CCDC32: variants seen among roughly 807,000 people sequenced by gnomAD.
CCDC32 encodes the protein coiled-coil domain-containing protein 32.
A neutral mutation model predicts 20.1 loss-of-function variants in CCDC32; 9 were observed. That is an observed-to-expected ratio of 0.45 (90% confidence interval 0.27 to 0.78). The LOEUF (loss-of-function observed/expected upper bound fraction) is 0.78. Among genes scored for constraint, CCDC32 ranks in the 30% least tolerant of loss-of-function variants. The probability of loss-of-function intolerance (pLI) is 0.16; values close to 1 mark genes in which losing one functional copy is unlikely to be tolerated. For missense variants in CCDC32, 204 were observed against 215.5 expected (o/e 0.95, Z 0.33); for synonymous variants, 63 against 79.0 (o/e 0.80, Z 1.07).
At position 40,553,561 on chromosome 15, in the gene CCDC32, A is replaced by G; in HGVS notation, c.*410T>C. The G allele has an allele frequency of 1.0e-6, 1 of 992,552 alleles. No individual in the cohort carries two copies. Among genetic ancestry groups the G allele is most frequent in the South Asian group, 4.6e-5 (1 of 21,590 alleles). 61.5% of individuals were successfully genotyped at this position (992,552 alleles called of 1,614,324 possible). A position where few individuals can be genotyped will look rare whatever the true frequency, so the allele number is the denominator to read the frequency against. ...TGGGACACAAGCATGAATGTCCGGA[A>G]GAGGCAAGAAAATATATGGCTCACT... is the stretch of plus-strand genomic sequence containing the variant. On this transcript the variant is annotated 3_prime_UTR_variant, in exon 4 of 4. Coordinates refer to ENST00000416810, the MANE Select transcript of CCDC32 (RefSeq NM_001080792.4).
At position 40,557,479 on chromosome 15, in the gene CCDC32, A is replaced by C; in HGVS notation, c.245-107T>G. Reference sequence around the variant, plus strand: ...TAAAAAATCTCTCACCGATGAGGACATCCACACTCCCTGCCAAAGAGGTCA... The same window carrying C: ...TAAAAAATCTCTCACCGATGAGGACCTCCACACTCCCTGCCAAAGAGGTCA... On this transcript the variant is annotated intron_variant, in intron 2 of 3. Coordinates refer to ENST00000416810, the MANE Select transcript of CCDC32 (RefSeq NM_001080792.4). The C allele has an allele frequency of 2.6e-6, 3 of 1,174,008 alleles. No individual in the cohort carries two copies. The South Asian group carries it at 4.8e-5, about 19-fold the overall frequency. 72.7% of individuals were successfully genotyped at this position (1,174,008 alleles called of 1,614,324 possible).
chr15:40,541,063 A>G (rs1205921484), intron 3 of CCDC32, among the ~76,000 whole-genome samples: 2 of 152,224 alleles, frequency 1.3e-5, no homozygotes, highest in African/African-American at 4.8e-5. Flanking sequence ...TGGGCGGGAA[A>G]GAGACTGTGC....
In CCDC32 at chr15:40,553,254, A is replaced by G; in HGVS notation, c.*717T>C. 1.0e-6 allele frequency: 1 copy of G among 985,394 alleles called. No individual in the cohort carries two copies. Among genetic ancestry groups the G allele is most frequent in the Non-Finnish European group, 1.2e-6 (1 of 829,926 alleles). 61.0% of individuals were successfully genotyped at this position (985,394 alleles called of 1,614,324 possible). A position where few individuals can be genotyped will look rare whatever the true frequency, so the allele number is the denominator to read the frequency against. The stretch of plus-strand genomic sequence containing the variant: ...ACACTAACACCATATTTACAAGTCT[A>G]ATTTGGAACCTGGCCCTTTTTAAGT... On this transcript the variant is annotated 3_prime_UTR_variant, in exon 4 of 4. Transcript: ENST00000416810.
At chr15:40,543,348 C>T (rs1212457164) in intron 3 of CCDC32, among the ~76,000 whole-genome samples, 2 of 152,130 alleles carry the variant, frequency 1.3e-5, no homozygotes, top group African/African-American at 4.8e-5. Flanking sequence ...TGGAAACCAC[C>T]ATCTCGTGAC....
exon 4 of CCDC32, chr15:40,539,311 T>G (rs1485255318): frequency 4.6e-6 from 7 of 1,535,544 alleles, no homozygotes. Context: ...CCACGCTCCA[T>G]CCTCAGAAAA....
rs56104303 is a variant in CCDC32 at position 40,560,893 on chromosome 15, G to A, written c.244+1879C>T. Reference sequence around the variant, plus strand: ...GTGTTTACCCAAAGGAAAAGAAGTCGTTATATCAAAAAGATACCTGCACGC... The same window carrying A: ...GTGTTTACCCAAAGGAAAAGAAGTCATTATATCAAAAAGATACCTGCACGC... On this transcript the variant is annotated intron_variant, in intron 2 of 3. Coordinates refer to ENST00000416810, the MANE Select transcript of CCDC32 (RefSeq NM_001080792.4). 2.7e-3 allele frequency among the ~76,000 whole-genome samples: 417 copies of A among 152,208 alleles called. 1 individual carries two copies. Among genetic ancestry groups the A allele is most frequent in the African/African-American group, 9.6e-3 (400 of 41,526 alleles).
intron 3 of CCDC32, among the ~76,000 whole-genome samples, chr15:40,544,910 C>G (rs892612903): frequency 6.6e-6 from 1 of 152,204 alleles, no homozygotes; most frequent in African/African-American, 2.4e-5. Context: ...TGTCCCATCA[C>G]TCTAGTCTAT....
At chr15:40,552,449 C>T (rs12440468), downstream of CCDC32, among the ~76,000 whole-genome samples, 29,085 of 136,590 alleles carry the variant, frequency 0.21, 3,879 homozygotes, top group East Asian at 0.67. Context: ...CCATTGCACT[C>T]GAGCCTGGGC....
intron 2 of CCDC32, among the ~76,000 whole-genome samples, chr15:40,558,806 C>CT (rs11403392): frequency 0.59 from 88,279 of 148,686 alleles, 26,152 homozygotes; most frequent in East Asian, 0.74. Context: ...TTCTTTCTTT[C>CT]TTTTTTTTTT....
intron 3 of CCDC32, among the ~76,000 whole-genome samples, chr15:40,539,969 T>C (rs1395126004): frequency 1.3e-5 from 2 of 151,858 alleles, no homozygotes; most frequent in Non-Finnish European, 2.9e-5. Flanking sequence ...GAAATGGGCA[T>C]TGGAACAGTG....
At chr15:40,532,571 C>T (rs1888920578), downstream of CCDC32, among the ~76,000 whole-genome samples, 1 of 152,006 alleles carries the variant, frequency 6.6e-6, no homozygotes, top group South Asian at 2.1e-4. Flanking sequence ...TTATTTTTAC[C>T]CAGTTGTAAT....
chr15:40,550,927 C>T (rs543065890), downstream of CCDC32, among the ~76,000 whole-genome samples: 26 of 152,270 alleles, frequency 1.7e-4, no homozygotes, highest in African/African-American at 5.8e-4. Context: ...ACACTATTTT[C>T]GGGTACAGAA....
chr15:40,554,155 C>T, intron 3 of CCDC32, 28 bp from the exon 4 acceptor site: 1 of 1,599,642 alleles, frequency 6.3e-7, no homozygotes, highest in Non-Finnish European at 8.6e-7. Context: ...AAAAGGGTGG[C>T]TGTGTCAGAC....
At chr15:40,557,142 C>T in intron 3 of CCDC32, 74 bp downstream of exon 3, 1 of 1,519,522 alleles carries the variant, frequency 6.6e-7, no homozygotes, top group Middle Eastern at 1.8e-4. Context: ...TAAAAATCTA[C>T]TGCTGGGCTA....
downstream of CCDC32, chr15:40,538,941 G>T: frequency 2.3e-6 from 1 of 431,990 alleles, no homozygotes; most frequent in South Asian, 2.6e-5. Flanking sequence ...CTGAGGTCTA[G>T]TGCTTGCCAC....
chr15:40,562,294 G>A (rs1890694736), intron 2 of CCDC32: 1 of 153,820 alleles, frequency 6.5e-6, no homozygotes, highest in African/African-American at 2.4e-5. Flanking sequence ...AGCTGTTCGG[G>A]TAGTCACGGC....
Position 40,545,852 on chromosome 15 carries a change from T to G in CCDC32, c.402-6497A>C, listed in dbSNP as rs1889596919. Among the ~76,000 whole-genome samples, 4 of 152,178 alleles carry G rather than the reference T, an allele frequency of 2.6e-5. No individual in the cohort carries two copies. The South Asian group carries it at 8.3e-4, about 31-fold the overall frequency. ...GGTTCTCCTTGCAAATGCTCCCATA[T>G]CCACTTCTCTCTAGCCTTGCCGCCA... is the stretch of plus-strand genomic sequence containing the variant. On this transcript the variant is annotated intron_variant, in intron 3 of 3. Transcript: ENST00000558113.
chr15:40,563,326 G>T (rs1286592301), intron 1 of CCDC32, among the ~76,000 whole-genome samples: 1 of 152,094 alleles, frequency 6.6e-6, no homozygotes, highest in Admixed American at 6.6e-5. Flanking sequence ...TCACGCCATT[G>T]CACTCCAGCC....
intron 2 of CCDC32, among the ~76,000 whole-genome samples, chr15:40,559,858 T>C (rs565930817): frequency 3.3e-5 from 5 of 152,148 alleles, no homozygotes; most frequent in Non-Finnish European, 7.3e-5. Context: ...ATGTAACAAA[T>C]GGTTCTGGGA....
Sources: allele counts gnomAD v4.1 joint callset (sites outside exome capture counted in the v4.1 genomes callset), GRCh38; gene constraint gnomAD v4.1.1; transcripts MANE v1.5; gene names NCBI Gene and HGNC (gene_info 2026-07-23, HGNC 2026-07-21).